GPR15LG: variants seen among roughly 807,000 people sequenced by gnomAD.
GPR15LG encodes the protein protein GPR15LG.
At chr10:84,175,071 C>T in the GPR15LG span, among the ~76,000 whole-genome samples, 1 of 152,066 alleles carries the variant, frequency 6.6e-6, no homozygotes, top group Admixed American at 6.5e-5. Flanking sequence ...TTATTTATCA[C>T]TATATATATT....
chr10:84,179,742 G>A, the GPR15LG span, among the ~76,000 whole-genome samples: 1 of 152,160 alleles, frequency 6.6e-6, no homozygotes, highest in African/African-American at 2.4e-5. Context: ...TCAGCACTGT[G>A]GTAGGCCCAT....
chr10:84,175,877 T>A, the GPR15LG span, among the ~76,000 whole-genome samples: 1 of 151,994 alleles, frequency 6.6e-6, no homozygotes, highest in Admixed American at 6.6e-5. Flanking sequence ...TCAGGCTTTT[T>A]TTCTTTTTTT....
the GPR15LG span, among the ~76,000 whole-genome samples, chr10:84,178,543 C>A: frequency 2.6e-5 from 4 of 151,782 alleles, no homozygotes; most frequent in South Asian, 8.3e-4. Context: ...AATACACTCA[C>A]AGACACTACA....
At chr10:84,177,989 G>C in the GPR15LG span, among the ~76,000 whole-genome samples, 2 of 151,752 alleles carry the variant, frequency 1.3e-5, no homozygotes, top group African/African-American at 4.8e-5. Flanking sequence ...CACATAAGTA[G>C]ATACACACCA....
At chr10:84,181,627 C>A in the GPR15LG span, among the ~76,000 whole-genome samples, 2 of 152,162 alleles carry the variant, frequency 1.3e-5, 1 homozygote, top group Non-Finnish European at 2.9e-5. Flanking sequence ...TACTATGATG[C>A]CCAGGCTGGT....
the GPR15LG span, chr10:84,173,831 G>T: frequency 6.3e-7 from 1 of 1,589,316 alleles, no homozygotes; most frequent in Non-Finnish European, 8.6e-7. Context: ...TTCCCAGGAC[G>T]TGAAAATCTG....
At chr10:84,176,609 T>C in the GPR15LG span, 1 of 1,463,860 alleles carries the variant, frequency 6.8e-7, no homozygotes, top group East Asian at 2.3e-5. Context: ...GGGCAGAAGT[T>C]CTACAGTGGC....
the GPR15LG span, among the ~76,000 whole-genome samples, chr10:84,176,911 T>G: frequency 1.5e-3 from 235 of 152,166 alleles, no homozygotes; most frequent in South Asian, 3.1e-3. Flanking sequence ...AGGTGGGGGA[T>G]GCAGGCAGAG....
the GPR15LG span, among the ~76,000 whole-genome samples, chr10:84,174,493 TC>T: frequency 0.083 from 10,829 of 130,012 alleles, 560 homozygotes; most frequent in Non-Finnish European, 0.1. Flanking sequence ...TTTTCTTTTT[TC>T]TTTTTTTTTT....
At chr10:84,174,262 T>A in the GPR15LG span, among the ~76,000 whole-genome samples, 1 of 152,168 alleles carries the variant, frequency 6.6e-6, no homozygotes, top group Non-Finnish European at 1.5e-5. Flanking sequence ...CTTGTACTTG[T>A]GTCATGCTTG....
chr10:84,177,117 G>A, the GPR15LG span, among the ~76,000 whole-genome samples: 2 of 152,222 alleles, frequency 1.3e-5, no homozygotes, highest in Non-Finnish European at 2.9e-5. Context: ...AGATAAGGCA[G>A]CCCCAGAGAT....
the GPR15LG span, among the ~76,000 whole-genome samples, chr10:84,176,085 T>C: frequency 1.3e-5 from 2 of 151,742 alleles, no homozygotes; most frequent in African/African-American, 4.8e-5. Context: ...ATGGGGTTTC[T>C]CCATGTTGGT....
chr10:84,182,933 C>T, the GPR15LG span, among the ~76,000 whole-genome samples: 3 of 151,336 alleles, frequency 2.0e-5, no homozygotes, highest in Non-Finnish European at 2.9e-5. Context: ...GGAAAATGCT[C>T]ATGAAATGGT....
the GPR15LG span, chr10:84,184,720 C>G: frequency 6.2e-7 from 1 of 1,613,990 alleles, no homozygotes. Flanking sequence ...AAGCTTGAGC[C>G]AGAGCCCCGC....
chr10:84,175,354 C>A, the GPR15LG span, among the ~76,000 whole-genome samples: 1 of 152,298 alleles, frequency 6.6e-6, no homozygotes, highest in East Asian at 1.9e-4. Context: ...AGGATAGATA[C>A]CTTCCCCCAT....
At chr10:84,184,496 G>T in the GPR15LG span, among the ~76,000 whole-genome samples, 1 of 152,238 alleles carries the variant, frequency 6.6e-6, no homozygotes, top group Non-Finnish European at 1.5e-5. Flanking sequence ...GGTCTTGTTT[G>T]CCACGAAAAG....
the GPR15LG span, among the ~76,000 whole-genome samples, chr10:84,177,459 C>T: frequency 6.6e-6 from 1 of 152,228 alleles, no homozygotes; most frequent in Non-Finnish European, 1.5e-5. Context: ...TCTCAAGAGG[C>T]TGAGGAGGTC....
the GPR15LG span, among the ~76,000 whole-genome samples, chr10:84,177,563 A>T: frequency 6.6e-6 from 1 of 152,220 alleles, no homozygotes; most frequent in Non-Finnish European, 1.5e-5. Context: ...GGGGATGCTC[A>T]GCTGTGATGC....
the GPR15LG span, among the ~76,000 whole-genome samples, chr10:84,180,954 C>T: frequency 9.2e-5 from 14 of 152,210 alleles, no homozygotes; most frequent in East Asian, 3.9e-4. Flanking sequence ...GGTGTGGCAG[C>T]ACGCGCCTGC....
Sources: allele counts gnomAD v4.1 joint callset (sites outside exome capture counted in the v4.1 genomes callset), GRCh38; gene constraint gnomAD v4.1.1; transcripts MANE v1.5; gene names NCBI Gene and HGNC (gene_info 2026-07-23, HGNC 2026-07-21).